OARD1: variants seen among roughly 807,000 people sequenced by gnomAD.
OARD1 encodes ADP-ribose glycohydrolase OARD1.
A neutral mutation model predicts 19.7 loss-of-function variants in OARD1; 19 were observed. The ratio of observed to expected loss-of-function variants is 0.96; its 90% CI spans 0.67 to 1.41. The LOEUF (loss-of-function observed/expected upper bound fraction) is 1.41. Among genes scored for constraint, OARD1 ranks in the 40% most tolerant of loss-of-function variants. OARD1 has a pLI of 0.00. For synonymous variants in OARD1, 70 were observed against 61.8 expected (o/e 1.13, Z -0.62); for missense variants, 190 against 183.8 (o/e 1.03, Z -0.20).
chr6:41,068,778 TG>T (rs1051064576), intron 5 of OARD1, 62 bp downstream of exon 5: 5 of 924,560 alleles, frequency 5.4e-6, no homozygotes, highest in African/African-American at 1.7e-5. Flanking sequence ...TGTTTGTCTT[TG>T]GGTAAGATAG....
intron 1 of OARD1, among the ~76,000 whole-genome samples, chr6:41,078,220 C>T (rs1763792988): frequency 6.6e-6 from 1 of 152,132 alleles, no homozygotes; most frequent in Non-Finnish European, 1.5e-5. Flanking sequence ...CATATAGTTG[C>T]ACATATTTTG....
intron 1 of OARD1, chr6:41,097,277 T>TGGG (rs1436581445): frequency 7.7e-7 from 1 of 1,296,070 alleles, no homozygotes; most frequent in South Asian, 1.2e-5. Context: ...TGTATTCTCT[T>TGGG]GGGGGGATAA....
At chr6:41,084,448 T>C (rs1394418292) in intron 1 of OARD1, among the ~76,000 whole-genome samples, 2 of 152,184 alleles carry the variant, frequency 1.3e-5, no homozygotes, top group East Asian at 1.9e-4. Context: ...TAGAATCTAG[T>C]TTATAGTATA....
At chr6:41,090,400 T>C (rs925572964) in intron 1 of OARD1, 1 of 687,256 alleles carries the variant, frequency 1.5e-6, no homozygotes, top group Non-Finnish European at 2.6e-6. Flanking sequence ...AGTGGTGAAC[T>C]TGACACTACA....
chr6:41,075,718 A>G (rs1009130655), upstream of OARD1: 2 of 129,142 alleles, frequency 1.5e-5, no homozygotes, highest in African/African-American at 6.1e-5. Context: ...AAGAAAAAAA[A>G]AGTTCAAGTA....
chr6:41,071,321 T>TA, intron 2 of OARD1, 45 bp from the exon 3 acceptor site: 3 of 1,557,828 alleles, frequency 1.9e-6, no homozygotes, highest in Non-Finnish European at 2.6e-6. Flanking sequence ...TTAGATACAG[T>TA]AAAATACTAA....
chr6:41,070,716 T>C, intron 3 of OARD1: 2 of 312,108 alleles, frequency 6.4e-6, no homozygotes, highest in Non-Finnish European at 1.2e-5. Context: ...AAGCTTTACA[T>C]AGGATTCTAG....
chr6:41,071,471 T>A (rs1250808456), intron 2 of OARD1, 125 bp downstream of exon 2: 16 of 1,066,966 alleles, frequency 1.5e-5, no homozygotes, highest in Admixed American at 5.9e-5. Context: ...TGAGCCTTTT[T>A]AAAGTAAATC....
chr6:41,092,858 T>C (rs1764231425), intron 1 of OARD1: 2 of 1,541,710 alleles, frequency 1.3e-6, no homozygotes, highest in African/African-American at 1.4e-5. Flanking sequence ...CAAGAAACTG[T>C]TTCTATGTCC....
chr6:41,067,275 T>C lies in OARD1; in HGVS notation c.*60A>G. 1.8e-6 allele frequency: 2 copies of C among 1,087,272 alleles called. No homozygotes were observed. The highest frequency in any genetic ancestry group is 2.8e-6 in the Non-Finnish European group (2 of 721,022). The allele number at this position is 1,087,272 out of a possible 1,614,324, so 67.4% of individuals were successfully genotyped here. A position where few individuals can be genotyped will look rare whatever the true frequency, so the allele number is the denominator to read the frequency against. ...CCTATTTTAAGGTAGGTTTGCCCGG[T>C]CCTATGGCCCAGTAGAGATGACACA... On this transcript the variant is annotated 3_prime_UTR_variant, in exon 6 of 6. Coordinates refer to ENST00000424266, the MANE Select transcript of OARD1 (RefSeq NM_001329686.2).
At chr6:41,090,693 T>C (rs993573248) in intron 1 of OARD1, among the ~76,000 whole-genome samples, 2 of 152,230 alleles carry the variant, frequency 1.3e-5, no homozygotes, top group African/African-American at 4.8e-5. Flanking sequence ...TAAATGACTA[T>C]TATGTATACA....
chr6:41,095,887 C>T (rs113295174), intron 1 of OARD1, among the ~76,000 whole-genome samples: 196 of 152,302 alleles, frequency 1.3e-3, no homozygotes, highest in Non-Finnish European at 1.7e-3. Context: ...TAAGTACTGA[C>T]TTAGATGTAT....
intron 1 of OARD1, chr6:41,079,215 C>A: frequency 6.5e-7 from 1 of 1,539,526 alleles, no homozygotes; most frequent in Non-Finnish European, 9.0e-7. Flanking sequence ...CTGATAACAG[C>A]ACCACTCAAT....
chr6:41,069,387 A>G (rs1669790676), intron 4 of OARD1: 1 of 154,608 alleles, frequency 6.5e-6, no homozygotes, highest in Admixed American at 6.5e-5. Flanking sequence ...TCTCTACATA[A>G]AACAACAGAA....
At chr6:41,083,739 A>G (rs1022002484) in intron 1 of OARD1, among the ~76,000 whole-genome samples, 25 of 152,312 alleles carry the variant, frequency 1.6e-4, no homozygotes, top group Admixed American at 1.5e-3. Flanking sequence ...TAACCTTGCC[A>G]TTATGATTAA....
chr6:41,087,429 C>G (rs1319806426), intron 1 of OARD1, among the ~76,000 whole-genome samples: 1 of 152,146 alleles, frequency 6.6e-6, no homozygotes, highest in South Asian at 2.1e-4. Flanking sequence ...TAGGCATGTT[C>G]TTCTTTCCAG....
rs748769007 is a variant in OARD1, at chr6:41,068,896, C to G, written c.301G>C (p.Glu101Gln). 4 of 1,610,764 alleles carry G rather than the reference C, an allele frequency of 2.5e-6. No individual in the cohort carries two copies. In the Admixed American group the frequency reaches 6.7e-5, roughly 27 times the overall value. ...PTYENLQKSLEAMKSHCLKNG... is the reference protein window; with the variant it reads ...PTYENLQKSLQAMKSHCLKNG... ...TTCAGACAATGAGACTTCATTGCCT[C>G]TAAACTCTTCTGTAAGTTTTCATAA... The change falls in exon 5 of 6, where the codon GAG becomes CAG. Residue 101 changes from glutamate (E) to glutamine (Q), a missense_variant. Glu to Gln is a conservative substitution (Grantham distance 29, BLOSUM62 2). Transcript: ENST00000424266.
upstream of OARD1, among the ~76,000 whole-genome samples, chr6:41,074,681 G>A (rs1056897738): frequency 3.9e-5 from 6 of 152,126 alleles, no homozygotes; most frequent in African/African-American, 1.4e-4. Context: ...AAGCCCAGTT[G>A]GTAAAATACT....
At chr6:41,084,429 T>C (rs1763986400) in intron 1 of OARD1, among the ~76,000 whole-genome samples, 1 of 152,126 alleles carries the variant, frequency 6.6e-6, no homozygotes, top group African/African-American at 2.4e-5. Context: ...GTAAAGTATA[T>C]GAAGAGGTTA....
Sources: allele counts gnomAD v4.1 joint callset (sites outside exome capture counted in the v4.1 genomes callset), GRCh38; gene constraint gnomAD v4.1.1; transcripts MANE v1.5; gene names NCBI Gene and HGNC (gene_info 2026-07-23, HGNC 2026-07-21).